The following CDH18 variants were observed in gnomAD, a reference collection of about 807,000 sequenced individuals.
The protein encoded by CDH18 is cadherin 18, also known as cadherin-18.
CDH18 carries 31 observed loss-of-function variants against 67.9 expected under a neutral mutation model. The ratio of observed to expected loss-of-function variants is 0.46; its 90% CI spans 0.34 to 0.62. The LOEUF is 0.62. Ranked by LOEUF, CDH18 falls within the 20% of genes least tolerant of loss-of-function variation. CDH18 has a pLI of 0.01. For synonymous variants in CDH18, 362 were observed against 347.2 expected (o/e 1.04, Z -0.48); for missense variants, 890 against 975.5 (o/e 0.91, Z 1.17).
At chr5:19,909,234 T>A (rs912703517) in intron 2 of CDH18, among the ~76,000 whole-genome samples, 2 of 151,438 alleles carry the variant, frequency 1.3e-5, no homozygotes, top group Admixed American at 1.3e-4. Context: ...GGCACCTAAA[T>A]GAAAACAGCT....
chr5:20,565,956 A>G (rs1392653740), intron 1 of CDH18, among the ~76,000 whole-genome samples: 2 of 152,028 alleles, frequency 1.3e-5, no homozygotes, highest in Non-Finnish European at 2.9e-5. Context: ...TCTTTTGTCT[A>G]ATTCTCTTAA....
chr5:19,486,185 C>T (rs917925760), intron 11 of CDH18, among the ~76,000 whole-genome samples: 2 of 151,504 alleles, frequency 1.3e-5, no homozygotes, highest in South Asian at 4.2e-4. Flanking sequence ...TATTCTGTAC[C>T]TCACCGGAAC....
chr5:20,349,533 A>G (rs540555269), intron 1 of CDH18, among the ~76,000 whole-genome samples: 1 of 152,284 alleles, frequency 6.6e-6, no homozygotes, highest in South Asian at 2.1e-4. Flanking sequence ...ATGCACAGAT[A>G]AAAGATAAAA....
intron 4 of CDH18, among the ~76,000 whole-genome samples, chr5:19,742,667 T>C (rs112430214): frequency 9.2e-5 from 14 of 152,232 alleles, no homozygotes; most frequent in African/African-American, 3.4e-4. Flanking sequence ...TCAAAGATAG[T>C]GGTCTTGTTT....
At chr5:19,693,008 G>A (rs893520416) in intron 5 of CDH18, among the ~76,000 whole-genome samples, 11 of 151,542 alleles carry the variant, frequency 7.3e-5, no homozygotes, top group African/African-American at 1.7e-4. Context: ...GCTATCAATC[G>A]ATTAATGCAT....
chr5:20,344,263 A>T (rs1740521592), intron 1 of CDH18, among the ~76,000 whole-genome samples: 1 of 152,162 alleles, frequency 6.6e-6, no homozygotes, highest in South Asian at 2.1e-4. Context: ...GAGGTTATTA[A>T]TGCTTGTGAA....
intron 1 of CDH18, among the ~76,000 whole-genome samples, chr5:20,449,275 G>T (rs550809335): frequency 2.6e-5 from 4 of 152,042 alleles, no homozygotes; most frequent in Admixed American, 2.0e-4. Flanking sequence ...AAAGAAGTTA[G>T]TGATATTAGG....
intron 1 of CDH18, among the ~76,000 whole-genome samples, chr5:20,558,944 T>C (rs1398566995): frequency 6.6e-6 from 1 of 151,630 alleles, no homozygotes; most frequent in East Asian, 1.9e-4. Flanking sequence ...AAGTCAACTC[T>C]GATAGAGAAA....
chr5:20,521,867 G>C (rs902163038), intron 1 of CDH18, among the ~76,000 whole-genome samples: 1 of 151,842 alleles, frequency 6.6e-6, no homozygotes, highest in Non-Finnish European at 1.5e-5. Flanking sequence ...TTTTGACAGT[G>C]AAACTAATGA....
chr5:19,574,770 C>G lies in CDH18; in HGVS notation c.1000-2938G>C, dbSNP rs556197902. 4.5e-4 allele frequency among the ~76,000 whole-genome samples: 69 copies of G among 151,868 alleles called. 1 individual carries two copies. The highest frequency in any genetic ancestry group is 1.6e-3 in the African/African-American group (67 of 41,424). On this transcript the variant is annotated intron_variant, in intron 7 of 12. Transcript: ENST00000382275. ...AAAAAAAAAAATCCCAGGTGAGGCA[C>G]GGTGCCTCATGCTTGTAATCCCAGC... is the stretch of plus-strand genomic sequence containing the variant.
chr5:20,319,773 G>T lies in CDH18; in HGVS notation c.-579-64268C>A, dbSNP rs149056822. 9.1e-4 allele frequency among the ~76,000 whole-genome samples: 138 copies of T among 152,232 alleles called. 1 individual carries two copies. Among genetic ancestry groups the T allele is most frequent in the African/African-American group, 3.1e-3 (129 of 41,534 alleles). ...AAATTGCACATCCAATTTTATAGCA[G>T]AGAAACTATAAAGTACTGGAAAAAC... On this transcript the variant is annotated intron_variant, in intron 1 of 14. Transcript: ENST00000507958.
chr5:20,045,923 G>A (rs954024726), intron 2 of CDH18, among the ~76,000 whole-genome samples: 15 of 151,864 alleles, frequency 9.9e-5, no homozygotes, highest in African/African-American at 3.4e-4. Context: ...AAAAATAAAC[G>A]CTGGTTATTT....
chr5:19,702,485 G>T (rs1412295676), intron 5 of CDH18, among the ~76,000 whole-genome samples: 1 of 151,504 alleles, frequency 6.6e-6, no homozygotes, highest in Non-Finnish European at 1.5e-5. Flanking sequence ...GTCCCTTTCA[G>T]CCGGGCGTGG....
At position 20,419,637 on chromosome 5, in the gene CDH18, C is replaced by A. The variant is rs189896705; in HGVS notation, c.-580+155825G>T. 2.8e-3 allele frequency among the ~76,000 whole-genome samples: 416 copies of A among 150,822 alleles called. 27 individuals are homozygous for A. The highest frequency in any genetic ancestry group is 0.01 in the African/African-American group (404 of 40,362). On this transcript the variant is annotated intron_variant, in intron 1 of 14. Coordinates refer to the CDH18 transcript ENST00000507958. ...GGACTACAGGCGCCCGCCACGACGC[C>A]CAGCTAATTTTTTGTATTTTTGGTA...
intron 8 of CDH18, among the ~76,000 whole-genome samples, chr5:19,552,820 GTA>G (rs1251245665): frequency 1.3e-5 from 2 of 152,136 alleles, no homozygotes; most frequent in African/African-American, 4.8e-5. Context: ...GCCTCACCCA[GTA>G]CAGGAGATCT....
intron 2 of CDH18, among the ~76,000 whole-genome samples, chr5:19,889,127 A>G (rs1046515555): frequency 6.6e-6 from 1 of 152,170 alleles, no homozygotes; most frequent in African/African-American, 2.4e-5. Flanking sequence ...TTTTTAGGGA[A>G]TAATGATAGC....
chr5:19,783,567 G>A (rs1163532003), intron 3 of CDH18, among the ~76,000 whole-genome samples: 1 of 152,068 alleles, frequency 6.6e-6, no homozygotes, highest in East Asian at 1.9e-4. Flanking sequence ...GGAATTCCTG[G>A]ATGATAAAGC....
At chr5:20,170,940 A>G (rs1329817902) in intron 2 of CDH18, among the ~76,000 whole-genome samples, 1 of 152,014 alleles carries the variant, frequency 6.6e-6, no homozygotes, top group Non-Finnish European at 1.5e-5. Context: ...TCCCACTTAT[A>G]AAGGAGATCC....
At chr5:20,473,386 C>A (rs1319085061) in intron 1 of CDH18, among the ~76,000 whole-genome samples, 1 of 151,786 alleles carries the variant, frequency 6.6e-6, no homozygotes, top group Non-Finnish European at 1.5e-5. Flanking sequence ...TGTGACAGGA[C>A]TTTTATACTT....
Sources: gnomAD v4.1 joint callset for allele counts (sites outside exome capture counted in the v4.1 genomes callset) on GRCh38, gnomAD v4.1.1 for gene constraint, MANE v1.5 for transcripts, NCBI Gene and HGNC (gene_info 2026-07-23, HGNC 2026-07-21) for gene names.